The following SMURF2 variants were observed in gnomAD, a reference collection of about 807,000 sequenced individuals.
SMURF2 encodes SMAD specific E3 ubiquitin protein ligase 2.
In SMURF2, 48 loss-of-function variants were observed where a neutral mutation model predicts 109.6. The observed-to-expected ratio is 0.44, with a 90% CI of 0.35 to 0.56. The LOEUF is 0.56. SMURF2 is among the 20% of genes least tolerant of loss of function. SMURF2 has a pLI of 0.01. For synonymous variants in SMURF2, 288 were observed against 317.1 expected (o/e 0.91, Z 0.97); for missense variants, 575 against 909.0 (o/e 0.63, Z 4.72).
Position 64,604,942 on chromosome 17 carries a change from T to TA in SMURF2, c.91+1659dup, listed in dbSNP as rs146088814. Among the ~76,000 whole-genome samples the TA allele has an allele frequency of 2.3e-3, 329 of 140,676 alleles. 1 individual carries two copies. The highest frequency in any genetic ancestry group is 2.7e-3 in the East Asian group (13 of 4,846). 92.3% of individuals were successfully genotyped at this position (140,676 alleles called of 152,430 possible). ...CTGGGCAACAGAGTGAGACTCCGTC[T>TA]AAAAAAAAAAAAAGGAAAAGTGCTC... On this transcript the variant is annotated intron_variant, in intron 2 of 18. Coordinates refer to ENST00000262435, the MANE Select transcript of SMURF2 (RefSeq NM_022739.4).
intron 1 of SMURF2, among the ~76,000 whole-genome samples, chr17:64,634,008 G>A (rs1970381815): frequency 6.6e-6 from 1 of 152,130 alleles, no homozygotes; most frequent in Non-Finnish European, 1.5e-5. Context: ...ACAAAAATTA[G>A]CCAGGTGTGG....
chr17:64,559,200 T>A (rs1969172407), intron 12 of SMURF2, among the ~76,000 whole-genome samples: 1 of 152,188 alleles, frequency 6.6e-6, no homozygotes, highest in Non-Finnish European at 1.5e-5. Context: ...AGAGCAGAAC[T>A]CAACTACTTT....
rs1970181030 is a variant in SMURF2 at position 64,619,990 on chromosome 17, G to A, written c.53-13350C>T. ...ATACACCCATTTAGATTCCTCACCAGCACTTCAAATTATATTTTTTCAAAA... is the reference window on the plus strand; with the variant it reads ...ATACACCCATTTAGATTCCTCACCAACACTTCAAATTATATTTTTTCAAAA... On this transcript the variant is annotated intron_variant, in intron 1 of 18. Coordinates refer to ENST00000262435, the MANE Select transcript of SMURF2 (RefSeq NM_022739.4). 2.6e-5 allele frequency among the ~76,000 whole-genome samples: 4 copies of A among 152,066 alleles called. No individual in the cohort carries two copies. The South Asian group carries it at 8.3e-4, about 31-fold the overall frequency.
In SMURF2 at chr17:64,571,686, T is replaced by C. The variant is rs541883124; in HGVS notation, c.1016+112A>G. The C allele has an allele frequency of 1.3e-5, 15 of 1,160,398 alleles. No homozygotes were observed. In the South Asian group the frequency reaches 2.4e-4, roughly 19 times the overall value. 71.9% of individuals were successfully genotyped at this position (1,160,398 alleles called of 1,614,324 possible). A position where few individuals can be genotyped will look rare whatever the true frequency, so the allele number is the denominator to read the frequency against. ...CTGCTGCCACGGCCTCCCAAAGCAC[T>C]GGGATTAAAGGCGTGAGCCACTGTA... On this transcript the variant is annotated intron_variant, in intron 10 of 18. Coordinates refer to ENST00000262435, the MANE Select transcript of SMURF2 (RefSeq NM_022739.4).
chr17:64,621,055 G>T (rs1255526853), intron 1 of SMURF2, among the ~76,000 whole-genome samples: 1 of 152,144 alleles, frequency 6.6e-6, no homozygotes, highest in African/African-American at 2.4e-5. Context: ...CAATAGAAAA[G>T]TATATTGTCC....
At chr17:64,659,057 G>A (rs1004013384) in intron 1 of SMURF2, among the ~76,000 whole-genome samples, 1 of 152,108 alleles carries the variant, frequency 6.6e-6, no homozygotes, top group Non-Finnish European at 1.5e-5. Flanking sequence ...CACTGATTGT[G>A]GTTTTAAGAA....
intron 12 of SMURF2, among the ~76,000 whole-genome samples, chr17:64,559,847 A>T (rs1294259935): frequency 6.6e-6 from 1 of 151,180 alleles, no homozygotes; most frequent in African/African-American, 2.4e-5. Context: ...TCCTGGGTTC[A>T]AGTGATTCCC....
At chr17:64,617,705 G>A (rs1169828955) in intron 1 of SMURF2, among the ~76,000 whole-genome samples, 1 of 152,042 alleles carries the variant, frequency 6.6e-6, no homozygotes, top group Non-Finnish European at 1.5e-5. Flanking sequence ...CCAGGCTCAA[G>A]CAATCCTCCT....
chr17:64,621,464 C>T (rs1970200658), intron 1 of SMURF2, among the ~76,000 whole-genome samples: 1 of 151,904 alleles, frequency 6.6e-6, no homozygotes, highest in South Asian at 2.1e-4. Flanking sequence ...CCTGTAGTCC[C>T]AGCTACTCAG....
At chr17:64,578,614 G>A in intron 8 of SMURF2, 38 bp from the exon 9 acceptor site, 1 of 1,398,696 alleles carries the variant, frequency 7.1e-7, no homozygotes, top group Non-Finnish European at 1.0e-6. Context: ...AAAACATTCA[G>A]AGTGTCCAGA....
chr17:64,578,665 GA>G (rs1210370962), intron 8 of SMURF2, 89 bp from the exon 9 acceptor site: 1 of 760,578 alleles, frequency 1.3e-6, no homozygotes, highest in African/African-American at 1.8e-5. Flanking sequence ...TACTAATAGG[GA>G]AAAATCTCCA....
In SMURF2 at chr17:64,581,675, T is replaced by C. The variant is rs1334567354; in HGVS notation, c.570-684A>G. Among the ~76,000 whole-genome samples, 11 of 152,298 alleles carry C rather than the reference T, an allele frequency of 7.2e-5. No homozygotes were observed. Among genetic ancestry groups the C allele is most frequent in the African/African-American group, 2.4e-4 (10 of 41,554 alleles). ...CTTAAATTAACATGGCAGGGTATGG[T>C]GGCTCACACCTGTAATCCCAGCACT... On this transcript the variant is annotated intron_variant, in intron 7 of 18. Coordinates refer to ENST00000262435, the MANE Select transcript of SMURF2 (RefSeq NM_022739.4). The surrounding 1 kb of genome is among the most constrained non-coding windows in gnomAD (Gnocchi z 4.3).
At chr17:64,631,979 G>T (rs1240106133) in intron 1 of SMURF2, among the ~76,000 whole-genome samples, 1 of 79,832 alleles carries the variant, frequency 1.3e-5, no homozygotes, top group Non-Finnish European at 2.5e-5. Flanking sequence ...GGGGGGGGGG[G>T]GTGGACAGAG....
At chr17:64,644,734 A>C (rs1201419746) in intron 1 of SMURF2, among the ~76,000 whole-genome samples, 1 of 152,066 alleles carries the variant, frequency 6.6e-6, no homozygotes, top group Non-Finnish European at 1.5e-5. Context: ...CAACATGGCG[A>C]AACTCCAACT....
intron 15 of SMURF2, among the ~76,000 whole-genome samples, chr17:64,553,845 A>C (rs963540570): frequency 6.6e-6 from 1 of 152,186 alleles, no homozygotes; most frequent in Admixed American, 6.5e-5. Flanking sequence ...TGTTCACTCC[A>C]ATCAAGTGGA....
intron 3 of SMURF2, among the ~76,000 whole-genome samples, chr17:64,594,775 A>G (rs1969795526): frequency 6.6e-6 from 1 of 152,004 alleles, no homozygotes; most frequent in African/African-American, 2.4e-5. Context: ...TCACCAGAGG[A>G]CAGGAGTTCG....
chr17:64,555,064 G>T, intron 14 of SMURF2, 71 bp from the exon 15 acceptor site: 1 of 1,391,716 alleles, frequency 7.2e-7, no homozygotes, highest in Non-Finnish European at 9.8e-7. Flanking sequence ...GTATTAATTG[G>T]TGAGATAAAA....
At position 64,547,261 on chromosome 17, in the gene SMURF2, G is replaced by A. The variant is rs1386061773; in HGVS notation, c.2071+339C>T. Among the ~76,000 whole-genome samples, 2 of 152,144 alleles carry A rather than the reference G, an allele frequency of 1.3e-5. No homozygotes were observed. Among genetic ancestry groups the A allele is most frequent in the Non-Finnish European group, 2.9e-5 (2 of 68,026 alleles). ...GGAGAGGCATCCCAGGCAGGTAAAC[G>A]TTTCACCAGGTCAAGATGTGAACAT... On this transcript the variant is annotated intron_variant, in intron 17 of 18. Coordinates refer to ENST00000262435, the MANE Select transcript of SMURF2 (RefSeq NM_022739.4). The surrounding 1 kb of genome is among the most constrained non-coding windows in gnomAD (Gnocchi z 4.2).
At chr17:64,627,340 T>TCCTGACCTCAAGTGATCCGCCCA (rs1970281714) in intron 1 of SMURF2, among the ~76,000 whole-genome samples, 1 of 152,166 alleles carries the variant, frequency 6.6e-6, no homozygotes, top group African/African-American at 2.4e-5. Flanking sequence ...GGTCTCGAAC[T>TCCTGACCTCAAGTGATCCGCCCA]CCTGACCTCA....
Sources: allele counts gnomAD v4.1 joint callset (sites outside exome capture counted in the v4.1 genomes callset), GRCh38; gene constraint gnomAD v4.1.1; non-coding constraint Gnocchi (gnomAD v3.1); transcripts MANE v1.5; gene names NCBI Gene and HGNC (gene_info 2026-07-23, HGNC 2026-07-21).